Variants in TINAG observed in about 807,000 individuals in gnomAD.
TINAG encodes the protein tubulointerstitial nephritis antigen.
A neutral mutation model predicts 72.7 loss-of-function variants in TINAG; 83 were observed. The ratio of observed to expected loss-of-function variants is 1.14; its 90% CI spans 0.96 to 1.37. TINAG has a LOEUF of 1.37. TINAG is among the 40% of genes most tolerant of loss of function. The pLI, the probability that TINAG is intolerant of heterozygous loss-of-function variation, is 0.00. For synonymous variants in TINAG, 234 were observed against 189.9 expected, an observed-to-expected ratio of 1.23 and a Z score of -1.91; for missense variants, 685 against 576.6, an observed-to-expected ratio of 1.19 and a Z score of -1.93.
At chr6:54,387,918 T>C (rs185506430) in intron 10 of TINAG, among the ~76,000 whole-genome samples, 1 of 152,160 alleles carries the variant, frequency 6.6e-6, no homozygotes, top group East Asian at 1.9e-4. Flanking sequence ...TTAGCACTAA[T>C]TTTTACAGTG....
Position 54,389,738 on chromosome 6 carries a change from A to T in TINAG, c.1297-53A>T. ...AAATGAGTTCTCCATGGCTTTTTTT[A>T]AAAAATACCAAAGTATGTTTCTCAA... On this transcript the variant is annotated intron_variant, in intron 10 of 10. Transcript: ENST00000259782. The T allele has an allele frequency of 2.6e-6, 4 of 1,542,252 alleles. No homozygotes were observed. The South Asian group carries it at 3.8e-5, about 15-fold the overall frequency.
chr6:54,382,659 A>G (rs1763985769), intron 10 of TINAG, among the ~76,000 whole-genome samples: 1 of 152,066 alleles, frequency 6.6e-6, no homozygotes, highest in African/African-American at 2.4e-5. Context: ...TTCTTAACAG[A>G]TACTCATAAA....
chr6:54,377,117 T>A (rs12661397), intron 9 of TINAG, among the ~76,000 whole-genome samples: 5 of 152,094 alleles, frequency 3.3e-5, no homozygotes, highest in African/African-American at 9.7e-5. Context: ...AACCGTATTA[T>A]GTGGATTTCC....
In TINAG at chr6:54,364,044, G is replaced by T. The variant is rs146885206; in HGVS notation, c.1250+9408G>T. On this transcript the variant is annotated intron_variant, in intron 9 of 10. Coordinates refer to ENST00000259782, the MANE Select transcript of TINAG (RefSeq NM_014464.4). ...CTCTTTTATCTTTAGGAGCTAGAAG[G>T]TTAGGTTATCTGTAGAAAAAAGATG... Among the ~76,000 whole-genome samples the T allele has an allele frequency of 2.4e-3, 363 of 151,620 alleles. 2 individuals carry two copies. Among genetic ancestry groups the T allele is most frequent in the African/African-American group, 7.7e-3 (320 of 41,476 alleles).
At chr6:54,321,125 G>A (rs1335506922) in intron 2 of TINAG, among the ~76,000 whole-genome samples, 172 bp from the exon 3 acceptor site, 3 of 152,168 alleles carry the variant, frequency 2.0e-5, no homozygotes, top group Non-Finnish European at 1.5e-5. Context: ...AGCATATTGA[G>A]TGGTAGCTAA....
intron 9 of TINAG, among the ~76,000 whole-genome samples, chr6:54,370,949 A>G (rs1291794702): frequency 1.3e-5 from 2 of 152,118 alleles, no homozygotes; most frequent in African/African-American, 4.8e-5. Flanking sequence ...TGCTATTGCT[A>G]TGAACTGACC....
At chr6:54,361,812 A>G (rs1204984412) in intron 9 of TINAG, among the ~76,000 whole-genome samples, 1 of 151,758 alleles carries the variant, frequency 6.6e-6, no homozygotes, top group Admixed American at 6.6e-5. Flanking sequence ...TCCAACAAAT[A>G]TACAAATATT....
chr6:54,351,360 G>A lies in TINAG; in HGVS notation c.1089G>A (p.Glu363=), dbSNP rs1381774369. 3.7e-6 allele frequency: 6 copies of A among 1,609,898 alleles called. No individual in the cohort carries two copies. Among genetic ancestry groups the A allele is most frequent in the Non-Finnish European group, 5.1e-6 (6 of 1,177,666 alleles). The part of the protein sequence containing the change: ...PPYRVSSNET[E]IMKEIMQNGP... ...CATATTTTTCCATCCAGGAAACTGAGATAATGAAAGAAATCATGCAAAATG... is the reference window on the plus strand; with the variant it reads ...CATATTTTTCCATCCAGGAAACTGAAATAATGAAAGAAATCATGCAAAATG... Residue 363 remains glutamate (E), a synonymous_variant, in exon 8 of 11, where the codon GAG becomes GAA. Transcript: ENST00000259782.
At chr6:54,361,344 T>C (rs866424383) in intron 9 of TINAG, among the ~76,000 whole-genome samples, 4 of 151,688 alleles carry the variant, frequency 2.6e-5, no homozygotes, top group African/African-American at 7.2e-5. Context: ...AATTGACTCA[T>C]AGTTCCACAG....
Position 54,349,597 on chromosome 6 carries a change from T to G in TINAG, c.900-119T>G, listed in dbSNP as rs1212659394. On this transcript the variant is annotated intron_variant, in intron 6 of 10. Coordinates refer to ENST00000259782, the MANE Select transcript of TINAG (RefSeq NM_014464.4). ...TTGGAGTCACTCACTATTTTGAAAA[T>G]TATGCATGTAAGTAACCAGAATAAT... 7.9e-6 allele frequency: 7 copies of G among 891,474 alleles called. No homozygotes were observed. In the Admixed American group the frequency reaches 2.5e-4, roughly 31 times the overall value. The allele number at this position is 891,474 out of a possible 1,614,324, so 55.2% of individuals were successfully genotyped here.
intron 5 of TINAG, 34 bp from the exon 6 acceptor site, chr6:54,347,333 A>G: frequency 6.2e-7 from 1 of 1,607,538 alleles, no homozygotes; most frequent in Non-Finnish European, 8.5e-7. Context: ...ACCGTGTATC[A>G]TTTCAATATT....
At chr6:54,356,530 A>C (rs921916785) in intron 9 of TINAG, among the ~76,000 whole-genome samples, 1 of 151,942 alleles carries the variant, frequency 6.6e-6, no homozygotes, top group African/African-American at 2.4e-5. Flanking sequence ...GTCTCAAAAA[A>C]CAAAAATTCC....
chr6:54,315,332 T>C (rs1451073957), intron 1 of TINAG, among the ~76,000 whole-genome samples: 6 of 152,062 alleles, frequency 3.9e-5, no homozygotes, highest in Admixed American at 3.3e-4. Context: ...ATCTTCTTTC[T>C]GTATTTTCTT....
chr6:54,310,567 CCTCT>C (rs1235613302), intron 1 of TINAG, among the ~76,000 whole-genome samples: 2 of 143,258 alleles, frequency 1.4e-5, no homozygotes, highest in African/African-American at 5.2e-5. Context: ...TCCTTCCCTC[CCTCT>C]CTCTTTCTTC....
chr6:54,367,194 A>G (rs1763459506), intron 9 of TINAG: 1 of 151,782 alleles, frequency 6.6e-6, no homozygotes, highest in African/African-American at 2.4e-5. Flanking sequence ...AAAGAGACCA[A>G]TATGTCTTTT....
intron 10 of TINAG, among the ~76,000 whole-genome samples, chr6:54,380,895 T>C (rs947461415): frequency 6.6e-6 from 1 of 150,526 alleles, no homozygotes; most frequent in Admixed American, 6.7e-5. Context: ...TATATTTATA[T>C]GGCAATGAAC....
intron 9 of TINAG, among the ~76,000 whole-genome samples, chr6:54,368,422 A>G (rs1763503275): frequency 6.7e-6 from 1 of 149,768 alleles, no homozygotes; most frequent in South Asian, 2.1e-4. Context: ...TGTCAAAAGT[A>G]TGCCTGAAAG....
chr6:54,337,243 T>C (rs1164516473), intron 4 of TINAG, among the ~76,000 whole-genome samples: 1 of 146,386 alleles, frequency 6.8e-6, no homozygotes, highest in Non-Finnish European at 1.5e-5. Flanking sequence ...TCATGGGATT[T>C]GAATTTTTTT....
chr6:54,326,018 A>G (rs1395291457), intron 3 of TINAG, among the ~76,000 whole-genome samples: 1 of 152,148 alleles, frequency 6.6e-6, no homozygotes, highest in African/African-American at 2.4e-5. Flanking sequence ...AAATATATTG[A>G]CCTAAAGTGG....
Sources: allele counts gnomAD v4.1 joint callset (sites outside exome capture counted in the v4.1 genomes callset), GRCh38; gene constraint gnomAD v4.1.1; transcripts MANE v1.5; gene names NCBI Gene and HGNC (gene_info 2026-07-23, HGNC 2026-07-21).